The following SLC6A20 variants were observed in gnomAD, a reference collection of about 807,000 sequenced individuals.
The protein encoded by SLC6A20 is sodium- and chloride-dependent transporter XTRP3.
SLC6A20 carries 73 observed loss-of-function variants against 64.3 expected under a neutral mutation model. The ratio of observed to expected loss-of-function variants is 1.14; its 90% CI spans 0.94 to 1.38. The LOEUF (loss-of-function observed/expected upper bound fraction) is 1.38, where lower values mean the gene tolerates loss of function less well. SLC6A20 is among the 40% of genes most tolerant of loss of function. SLC6A20 has a pLI of 0.00. For missense variants in SLC6A20, 725 were observed against 772.8 expected (o/e 0.94, Z 0.73); for synonymous variants, 347 against 329.6 (o/e 1.05, Z -0.57).
chr3:45,758,961 G>C lies in SLC6A20; in HGVS notation c.*17C>G. On this transcript the variant is annotated 3_prime_UTR_variant, in exon 11 of 11. Coordinates refer to ENST00000358525, the MANE Select transcript of SLC6A20 (RefSeq NM_020208.4). ...AATAGTATCTGTAAAACCGTGAGCG[G>C]CTGGGAAGCCCACATCTCAGGCCAC... 1 of 1,585,436 alleles carries C rather than the reference G, an allele frequency of 6.3e-7. No homozygotes were observed. The highest frequency in any genetic ancestry group is 8.6e-7 in the Non-Finnish European group (1 of 1,166,420).
chr3:45,764,733 AC>A (rs1268535112), intron 8 of SLC6A20, among the ~76,000 whole-genome samples: 4 of 129,782 alleles, frequency 3.1e-5, no homozygotes, highest in Non-Finnish European at 4.8e-5. Flanking sequence ...AAGGAAAAAA[AC>A]CCCTAAAATG....
chr3:45,778,572 T>C (rs919776068), intron 3 of SLC6A20, among the ~76,000 whole-genome samples: 1 of 152,228 alleles, frequency 6.6e-6, no homozygotes, highest in Non-Finnish European at 1.5e-5. Flanking sequence ...TTTTTGCTTT[T>C]GGGGGATGAG....
At position 45,770,215 on chromosome 3, in the gene SLC6A20, T is replaced by A. The variant is rs371002443; in HGVS notation, c.1092A>T (p.Leu364=). 1,343 of 1,614,218 alleles carry A rather than the reference T, an allele frequency of 8.3e-4. 19 individuals carry two copies. In the South Asian group the frequency reaches 0.014, roughly 17 times the overall value. ...CCTTGCCTGGGCATCTTACCGTGTC[T>A]AGCTCCGATTCCAAGCTGCAGTTTT... is the stretch of plus-strand genomic sequence containing the variant. The part of the protein sequence containing the change: ...QIKNCSLESE[L]DTAVQGTGLA... The change falls in exon 7 of 11, where the codon CTA becomes CTT. Residue 364 remains leucine (L), a synonymous_variant. Transcript: ENST00000358525.
chr3:45,782,199 A>ATG lies in SLC6A20; in HGVS notation c.144_145dup (p.Ile49ThrfsTer81). The ATG allele has an allele frequency of 6.2e-7, 1 of 1,613,716 alleles. No individual in the cohort carries two copies. The highest frequency in any genetic ancestry group is 2.2e-5 in the East Asian group (1 of 44,852). The stretch of plus-strand genomic sequence containing the variant: ...CGGCATTCCCTCCACGATAAGCATG[A>ATG]TGATGTAGGGGACCAGGAAACTACC... On this transcript the variant is annotated frameshift_variant, in exon 2 of 11. Transcript: ENST00000358525. LOFTEE classifies it high-confidence loss of function.
Position 45,758,985 on chromosome 3 carries a change from A to G in SLC6A20, c.1772T>C (p.Val591Ala). 1.2e-6 allele frequency: 2 copies of G among 1,606,336 alleles called. No homozygotes were observed. Among genetic ancestry groups the G allele is most frequent in the Non-Finnish European group, 1.7e-6 (2 of 1,176,128 alleles). ...RRLKRGDADP[V>A]A ...GGCTGGGAAGCCCACATCTCAGGCC[A>G]CGGGGTCTGCGTCTCCCCTCTTGAG... The change falls in exon 11 of 11, where the codon GTG becomes GCG. Residue 591 changes from valine (V) to alanine (A), a missense_variant. Coordinates refer to ENST00000358525, the MANE Select transcript of SLC6A20 (RefSeq NM_020208.4).
At chr3:45,789,681 C>T (rs1041800316) in intron 1 of SLC6A20, among the ~76,000 whole-genome samples, 3 of 151,898 alleles carry the variant, frequency 2.0e-5, no homozygotes, top group African/African-American at 4.8e-5. Context: ...ACAGTCATTA[C>T]CTCTGGGTGG....
intron 6 of SLC6A20, among the ~76,000 whole-genome samples, chr3:45,770,639 C>T (rs1421433715): frequency 2.6e-5 from 4 of 151,608 alleles, no homozygotes; most frequent in African/African-American, 7.2e-5. Context: ...TGAAAATGCT[C>T]TCTATCTGGG....
chr3:45,778,856 T>C (rs931709780), intron 3 of SLC6A20, among the ~76,000 whole-genome samples: 1 of 151,984 alleles, frequency 6.6e-6, no homozygotes, highest in Non-Finnish European at 1.5e-5. Context: ...AAACTCTAGG[T>C]TGAACCAGGG....
intron 1 of SLC6A20, among the ~76,000 whole-genome samples, chr3:45,784,908 G>C (rs895034779): frequency 1.3e-5 from 2 of 152,142 alleles, no homozygotes; most frequent in Non-Finnish European, 1.5e-5. Flanking sequence ...GGGAGCAAGA[G>C]GGGGCTGAAC....
At chr3:45,782,029 C>T in intron 2 of SLC6A20, 54 bp downstream of exon 2, 1 of 1,524,392 alleles carries the variant, frequency 6.6e-7, no homozygotes, top group Non-Finnish European at 8.8e-7. Context: ...CCCACCCACA[C>T]CCCCATGCTG....
chr3:45,767,520 A>C (rs1363092057), intron 7 of SLC6A20, among the ~76,000 whole-genome samples: 1 of 152,200 alleles, frequency 6.6e-6, no homozygotes, highest in Non-Finnish European at 1.5e-5. Context: ...AAAGGATAAA[A>C]AGATGGGAAA....
rs1020234517 is a variant in SLC6A20 at position 45,757,693 on chromosome 3, A to G, written c.*1285T>C. 10 of 163,876 alleles carry G rather than the reference A, an allele frequency of 6.1e-5. No homozygotes were observed. The highest frequency in any genetic ancestry group is 2.8e-3 in the Middle Eastern group (1 of 362). The allele number at this position is 163,876 out of a possible 1,614,324, so 10.2% of individuals were successfully genotyped here. A position where few individuals can be genotyped will look rare whatever the true frequency, so the allele number is the denominator to read the frequency against. On this transcript the variant is annotated 3_prime_UTR_variant, in exon 11 of 11. Coordinates refer to ENST00000358525, the MANE Select transcript of SLC6A20 (RefSeq NM_020208.4). ...TTATGTCTTCCTTTTCTACACAGAC[A>G]CAGTAACAATCTGATCTTTCTTTTC...
intron 8 of SLC6A20, among the ~76,000 whole-genome samples, chr3:45,763,617 C>T (rs989049563): frequency 1.3e-5 from 2 of 152,188 alleles, no homozygotes; most frequent in African/African-American, 4.8e-5. Flanking sequence ...GACCCTTAGG[C>T]CTCTGAGGCA....
At chr3:45,770,997 T>C (rs976647897) in intron 6 of SLC6A20, among the ~76,000 whole-genome samples, 2 of 152,214 alleles carry the variant, frequency 1.3e-5, no homozygotes, top group Admixed American at 1.3e-4. Context: ...TGTCCTATTA[T>C]GCTAAGTGCT....
chr3:45,772,186 A>T (rs1699883101), intron 5 of SLC6A20: 1 of 284,416 alleles, frequency 3.5e-6, no homozygotes, highest in Non-Finnish European at 6.6e-6. Flanking sequence ...CATGGCAAAA[A>T]GCTTGGTCCA....
rs766281412 is a variant in SLC6A20, at chr3:45,782,206, A to G, written c.139T>C (p.Tyr47His). ...CCCTCCACGATAAGCATGATGATGT[A>G]GGGGACCAGGAAACTACCTGTGGAT... ...MYGGGSFLVP[Y>H]IIMLIVEGMP... The change falls in exon 2 of 11, where the codon TAC becomes CAC. Residue 47 changes from tyrosine to histidine, a missense_variant. Transcript: ENST00000358525. The G allele has an allele frequency of 6.2e-6, 10 of 1,613,342 alleles. No individual in the cohort carries two copies. In the South Asian group the frequency reaches 1.1e-4, roughly 18 times the overall value.
intron 1 of SLC6A20, among the ~76,000 whole-genome samples, chr3:45,791,147 C>T (rs1700244044): frequency 6.6e-6 from 1 of 152,212 alleles, no homozygotes; most frequent in African/African-American, 2.4e-5. Flanking sequence ...CCCCCAACCC[C>T]TGTACCCTAT....
intron 5 of SLC6A20, 101 bp downstream of exon 5, chr3:45,772,404 C>G: frequency 9.5e-7 from 1 of 1,051,032 alleles, no homozygotes. Context: ...TCCGTAGGTA[C>G]AGCGTTGGCC....
chr3:45,792,851 T>C (rs970587427), intron 1 of SLC6A20, among the ~76,000 whole-genome samples: 1 of 152,118 alleles, frequency 6.6e-6, no homozygotes, highest in East Asian at 1.9e-4. Context: ...GAGCCAGTTG[T>C]TAAACATTTA....
Sources: gnomAD v4.1 joint callset for allele counts (sites outside exome capture counted in the v4.1 genomes callset) on GRCh38, gnomAD v4.1.1 for gene constraint, MANE v1.5 for transcripts, NCBI Gene and HGNC (gene_info 2026-07-23, HGNC 2026-07-21) for gene names.